The following VSIG10 variants were observed in gnomAD, a reference collection of about 807,000 sequenced individuals.
VSIG10 encodes V-set and immunoglobulin domain containing 10.
VSIG10 carries 48 observed loss-of-function variants against 58.7 expected under a neutral mutation model. That is an observed-to-expected ratio of 0.82 (90% CI 0.65 to 1.04). The LOEUF (loss-of-function observed/expected upper bound fraction) is 1.04, where lower values mean the gene tolerates loss of function less well. Ranked by LOEUF, VSIG10 falls within the 50% of genes least tolerant of loss-of-function variation. The probability of loss-of-function intolerance (pLI) is 0.00; values close to 1 mark genes in which losing one functional copy is unlikely to be tolerated. For missense variants in VSIG10, 628 were observed against 670.0 expected, an observed-to-expected ratio of 0.94 and a Z score of 0.69; for synonymous variants, 260 against 267.1, an observed-to-expected ratio of 0.97 and a Z score of 0.26.
At chr12:118,079,825 CT>C (rs2032879639) in intron 3 of VSIG10, among the ~76,000 whole-genome samples, 1 of 20,868 alleles carries the variant, frequency 4.8e-5, no homozygotes, top group African/African-American at 8.7e-4. Flanking sequence ...CTTTGCATTT[CT>C]TTCTTTCTTT....
In VSIG10 at chr12:118,103,714, GCTGGA is replaced by G; in HGVS notation, c.-48_-44del. On this transcript the variant is annotated 5_prime_UTR_variant, in exon 1 of 9. Transcript: ENST00000359236. Reference sequence around the variant, plus strand: ...CTCAGGAAACGCAGGCTCGGGCTGGGCTGGACGTGTGTGCCCCAGGGCCCCGGGGC... The same window carrying G: ...CTCAGGAAACGCAGGCTCGGGCTGGGCGTGTGTGCCCCAGGGCCCCGGGGC... The G allele has an allele frequency of 7.0e-7, 1 of 1,433,686 alleles. No individual in the cohort carries two copies. The highest frequency in any genetic ancestry group is 9.1e-7 in the Non-Finnish European group (1 of 1,098,770). The allele number at this position is 1,433,686 out of a possible 1,614,324, so 88.8% of individuals were successfully genotyped here.
In VSIG10 at chr12:118,079,621, A is replaced by G; in HGVS notation, c.665-15T>C. On this transcript the variant is annotated splice_polypyrimidine_tract_variant and intron_variant, in intron 3 of 8. Transcript: ENST00000359236. The stretch of plus-strand genomic sequence containing the variant: ...TGGAGGGGGATCTGCAAAACACCAG[A>G]GGAAAGCATGGGCTGAATCACAGAC... 1 of 1,613,246 alleles carries G rather than the reference A, an allele frequency of 6.2e-7. No homozygotes were observed. Among genetic ancestry groups the G allele is most frequent in the East Asian group, 2.2e-5 (1 of 44,876 alleles).
intron 2 of VSIG10, among the ~76,000 whole-genome samples, chr12:118,082,886 GTGGA>G (rs2033003741): frequency 1.3e-5 from 2 of 151,648 alleles, no homozygotes; most frequent in South Asian, 4.2e-4. Flanking sequence ...GCCAAGGCAG[GTGGA>G]CCACTTGAGG....
chr12:118,103,319 C>A, intron 1 of VSIG10: 1 of 355,456 alleles, frequency 2.8e-6, no homozygotes, highest in African/African-American at 2.3e-5. Context: ...TACTTTGCCC[C>A]CGCACGTCGG....
chr12:118,100,143 G>A (rs568533120), intron 1 of VSIG10, among the ~76,000 whole-genome samples: 3 of 152,338 alleles, frequency 2.0e-5, no homozygotes, highest in African/African-American at 7.2e-5. Context: ...GCCGAGGCAG[G>A]TGGATCACTT....
Position 118,066,751 on chromosome 12 carries a change from C to T in VSIG10, c.1568-57G>A, listed in dbSNP as rs189053109. The T allele has an allele frequency of 1.1e-3, 1,606 of 1,503,884 alleles. 6 individuals are homozygous for T. Among genetic ancestry groups the T allele is most frequent in the Non-Finnish European group, 1.2e-3 (1,284 of 1,111,472 alleles). 93.2% of individuals were successfully genotyped at this position (1,503,884 alleles called of 1,614,324 possible). A position where few individuals can be genotyped will look rare whatever the true frequency, so the allele number is the denominator to read the frequency against. The stretch of plus-strand genomic sequence containing the variant: ...TAATCAGAGTGTGATTCTATTTCCA[C>T]CGTCAGTCATCAATCATCTCAGTGA... On this transcript the variant is annotated intron_variant, in intron 8 of 8. Transcript: ENST00000359236.
intron 2 of VSIG10, among the ~76,000 whole-genome samples, chr12:118,090,142 C>G (rs2033250054): frequency 6.6e-6 from 1 of 152,060 alleles, no homozygotes; most frequent in Non-Finnish European, 1.5e-5. Flanking sequence ...GGTGAAAACC[C>G]CTTTCTACGA....
At chr12:118,094,478 G>A (rs1004077214) in intron 2 of VSIG10, among the ~76,000 whole-genome samples, 3 of 152,074 alleles carry the variant, frequency 2.0e-5, no homozygotes, top group African/African-American at 7.2e-5. Context: ...CCACCACCCG[G>A]GTTTAACCGA....
At chr12:118,095,069 A>T (rs550400971) in intron 2 of VSIG10, among the ~76,000 whole-genome samples, 1 of 152,044 alleles carries the variant, frequency 6.6e-6, no homozygotes, top group South Asian at 2.1e-4. Context: ...ACGCTCAGCT[A>T]ATTTTTTATA....
chr12:118,103,722 T>A lies in VSIG10; in HGVS notation c.-51A>T. 2 of 1,409,030 alleles carry A rather than the reference T, an allele frequency of 1.4e-6. No individual in the cohort carries two copies. The highest frequency in any genetic ancestry group is 1.8e-6 in the Non-Finnish European group (2 of 1,086,180). 87.3% of individuals were successfully genotyped at this position (1,409,030 alleles called of 1,614,324 possible). The stretch of plus-strand genomic sequence containing the variant: ...ACGCAGGCTCGGGCTGGGCTGGACG[T>A]GTGTGCCCCAGGGCCCCGGGGCCCG... On this transcript the variant is annotated 5_prime_UTR_variant, in exon 1 of 9. Coordinates refer to ENST00000359236, the MANE Select transcript of VSIG10 (RefSeq NM_019086.6).
chr12:118,093,915 T>C (rs796713050), intron 2 of VSIG10, among the ~76,000 whole-genome samples: 13 of 151,694 alleles, frequency 8.6e-5, no homozygotes, highest in African/African-American at 3.1e-4. Flanking sequence ...TCTCAAAAAA[T>C]AATAATAATA....
At chr12:118,097,078 C>T (rs768335015) in intron 1 of VSIG10, among the ~76,000 whole-genome samples, 35 of 152,086 alleles carry the variant, frequency 2.3e-4, no homozygotes, top group South Asian at 2.1e-4. Flanking sequence ...ACATACAGAA[C>T]GTCTGGTATG....
intron 3 of VSIG10, among the ~76,000 whole-genome samples, chr12:118,079,811 T>TC (rs2032878894): frequency 7.4e-6 from 1 of 135,582 alleles, no homozygotes; most frequent in Admixed American, 7.7e-5. Context: ...TGGGTCTCAT[T>TC]CACCTTTGCA....
chr12:118,094,173 A>G (rs763622254), intron 2 of VSIG10, among the ~76,000 whole-genome samples: 1 of 144,062 alleles, frequency 6.9e-6, no homozygotes, highest in Non-Finnish European at 1.5e-5. Flanking sequence ...GATAGGTGCA[A>G]TTATGGTGCA....
chr12:118,075,212 ATG>A (rs1298810053), intron 4 of VSIG10, among the ~76,000 whole-genome samples: 3 of 149,896 alleles, frequency 2.0e-5, no homozygotes, highest in Non-Finnish European at 3.0e-5. Context: ...GTGTGTATAT[ATG>A]TGTGTGTGTG....
rs10654315 is a variant in VSIG10, at chr12:118,087,837, CAA to C, written c.362-5410_362-5409del. On this transcript the variant is annotated intron_variant, in intron 2 of 8. Coordinates refer to ENST00000359236, the MANE Select transcript of VSIG10 (RefSeq NM_019086.6). ...TGGGTGACAGAGTGAGATCCTGTCT[CAA>C]AAAAAAAAAAAAAAAAAGAGAGAGA... Among the ~76,000 whole-genome samples the C allele has an allele frequency of 1.1e-3, 66 of 62,590 alleles. 1 individual carries two copies. Among genetic ancestry groups the C allele is most frequent in the Admixed American group, 2.1e-3 (9 of 4,248 alleles). The allele number at this position is 62,590 out of a possible 152,430, so 41.1% of individuals were successfully genotyped here.
intron 3 of VSIG10, 54 bp downstream of exon 3, chr12:118,082,073 A>C: frequency 6.5e-7 from 1 of 1,540,404 alleles, no homozygotes; most frequent in Non-Finnish European, 8.8e-7. Flanking sequence ...GCAGTTCATA[A>C]GTTCACAAAG....
chr12:118,102,404 T>A (rs1250495300), intron 1 of VSIG10: 1 of 152,220 alleles, frequency 6.6e-6, no homozygotes, highest in East Asian at 1.9e-4. Context: ...GTAACACCCA[T>A]GACTGAAGGT....
intron 1 of VSIG10, among the ~76,000 whole-genome samples, chr12:118,096,438 C>T (rs1016046176): frequency 4.6e-5 from 7 of 151,758 alleles, no homozygotes; most frequent in Non-Finnish European, 8.8e-5. Flanking sequence ...ATCAGCTGGG[C>T]GTGGTAGCAC....
Sources: gnomAD v4.1 joint callset for allele counts (sites outside exome capture counted in the v4.1 genomes callset) on GRCh38, gnomAD v4.1.1 for gene constraint, MANE v1.5 for transcripts, NCBI Gene and HGNC (gene_info 2026-07-23, HGNC 2026-07-21) for gene names.